KLF8: variants seen among roughly 807,000 people sequenced by gnomAD.
KLF8 encodes the protein KLF transcription factor 8.
KLF8 carries 10 observed loss-of-function variants against 18.2 expected under a neutral mutation model. The observed-to-expected ratio is 0.55, with a 90% CI of 0.34 to 0.93. The LOEUF (loss-of-function observed/expected upper bound fraction) is 0.93, where lower values mean the gene tolerates loss of function less well. Among genes scored for constraint, KLF8 ranks in the 40% least tolerant of loss-of-function variants. The pLI, the probability that KLF8 is intolerant of heterozygous loss-of-function variation, is 0.02. For synonymous variants in KLF8, 109 were observed against 97.3 expected (o/e 1.12, Z -0.71); for missense variants, 264 against 277.9 (o/e 0.95, Z 0.36).
chrX:56,172,322 G>A, the KLF8 span, among the ~76,000 whole-genome samples: 2 of 110,432 alleles, frequency 1.8e-5, no homozygotes, highest in African/African-American at 3.3e-5. Context: ...TGTTCTTATT[G>A]TTCAATTCCC....
the KLF8 span, among the ~76,000 whole-genome samples, chrX:56,168,932 A>C: frequency 8.9e-6 from 1 of 111,775 alleles, no homozygotes; most frequent in Non-Finnish European, 1.9e-5. Flanking sequence ...AGCAAGAATA[A>C]ACTGAAGACA....
At chrX:55,982,170 G>T in the KLF8 span, among the ~76,000 whole-genome samples, 1 of 111,546 alleles carries the variant, frequency 9.0e-6, no homozygotes, top group African/African-American at 3.3e-5. Context: ...CATTTTCCTG[G>T]TATTCTCCTC....
At chrX:55,932,006 C>G in the KLF8 span, among the ~76,000 whole-genome samples, 1 of 110,401 alleles carries the variant, frequency 9.1e-6, no homozygotes. Flanking sequence ...GAGTCTAAGT[C>G]TCTTTGTAAG....
At chrX:56,079,455 C>T in the KLF8 span, among the ~76,000 whole-genome samples, 141 of 111,391 alleles carry the variant, frequency 1.3e-3, no homozygotes, top group Middle Eastern at 4.7e-3. Context: ...AGTGGTTTTG[C>T]GTGAGATTCT....
chrX:56,273,104 A>G (rs974462413), intron 5 of KLF8, among the ~76,000 whole-genome samples: 4 of 111,755 alleles, frequency 3.6e-5, no homozygotes, highest in Admixed American at 2.9e-4. Context: ...AATAATACAT[A>G]TTTTAACCCA....
At chrX:56,060,548 C>T in the KLF8 span, among the ~76,000 whole-genome samples, 529 of 111,761 alleles carry the variant, frequency 4.7e-3, 3 homozygotes, top group Non-Finnish European at 4.6e-3. Flanking sequence ...ACTTGATCAT[C>T]GTGGATAAGC....
the KLF8 span, among the ~76,000 whole-genome samples, chrX:55,912,565 C>T: frequency 6.3e-5 from 7 of 111,569 alleles, no homozygotes; most frequent in African/African-American, 6.5e-5. Flanking sequence ...ACACTATTAT[C>T]ATTGCCATTT....
At chrX:55,935,937 C>A in the KLF8 span, among the ~76,000 whole-genome samples, 1 of 112,022 alleles carries the variant, frequency 8.9e-6, no homozygotes, top group African/African-American at 3.2e-5. Context: ...GGGTTATTCA[C>A]TGGCTTGAAG....
At position 56,285,511 on chromosome X, in the gene KLF8, A is replaced by G. The variant is rs1055976063; in HGVS notation, c.*1017A>G. ...ACAAAGAAGCAATTGAGTATATTGC[A>G]TGATGAGAAATCACACACTAGGGTC... On this transcript the variant is annotated 3_prime_UTR_variant, in exon 6 of 6. Transcript: ENST00000468660. 3.6e-5 allele frequency: 4 copies of G among 111,811 alleles called. No homozygotes were observed. Among genetic ancestry groups the G allele is most frequent in the Non-Finnish European group, 7.5e-5 (4 of 53,153 alleles). 9.2% of individuals were successfully genotyped at this position (111,811 alleles called of 1,213,427 possible).
At chrX:56,178,564 T>C in the KLF8 span, among the ~76,000 whole-genome samples, 5 of 112,604 alleles carry the variant, frequency 4.4e-5, no homozygotes, top group Middle Eastern at 0.018. Context: ...TGCCCATGCC[T>C]ATGCCCTGAA....
chrX:55,956,165 CTATCATCT>C, the KLF8 span, among the ~76,000 whole-genome samples: 36 of 95,730 alleles, frequency 3.8e-4, no homozygotes, highest in East Asian at 5.7e-4. Context: ...ATCTATCTAT[CTATCATCT>C]ATCTATCTAT....
At chrX:56,269,192 C>CA (rs377254816) in intron 3 of KLF8, 186 bp from the exon 4 acceptor site, 33,179 of 600,830 alleles carry the variant, frequency 0.055, 35 homozygotes, top group East Asian at 0.076. Context: ...CCCTGCTATG[C>CA]AAAAAAAAAA....
At chrX:56,095,771 G>A in the KLF8 span, among the ~76,000 whole-genome samples, 3 of 111,149 alleles carry the variant, frequency 2.7e-5, no homozygotes, top group East Asian at 5.6e-4. Context: ...ACACCAATCA[G>A]GATGGCTATC....
At chrX:56,187,048 A>G in the KLF8 span, among the ~76,000 whole-genome samples, 4 of 111,834 alleles carry the variant, frequency 3.6e-5, no homozygotes, top group African/African-American at 6.5e-5. Context: ...AAGGAAAGAG[A>G]GACAAAAAAC....
chrX:56,118,269 A>G, the KLF8 span, among the ~76,000 whole-genome samples: 2 of 111,609 alleles, frequency 1.8e-5, no homozygotes, highest in African/African-American at 6.5e-5. Flanking sequence ...GTGTATATAT[A>G]TAAAGCACTT....
At chrX:56,183,814 T>C in the KLF8 span, among the ~76,000 whole-genome samples, 1 of 111,827 alleles carries the variant, frequency 8.9e-6, no homozygotes, top group African/African-American at 3.3e-5. Flanking sequence ...ATAATATTTA[T>C]TGTAAGTGAA....
At position 56,270,440 on chromosome X, in the gene KLF8, G is replaced by A. The variant is rs774657991; in HGVS notation, c.898+119G>A. 176 of 830,122 alleles carry A rather than the reference G, an allele frequency of 2.1e-4. No individual in the cohort carries two copies. In the African/African-American group the frequency reaches 2.9e-3, roughly 14 times the overall value. 68.4% of individuals were successfully genotyped at this position (830,122 alleles called of 1,213,427 possible). On this transcript the variant is annotated intron_variant, in intron 5 of 5. Transcript: ENST00000468660. ...AGAGAGAGGGGCAGAGAGAGAGAGA[G>A]AAAATTTCTGAGAGACAGAGAATGA...
chrX:56,199,110 A>C, the KLF8 span, among the ~76,000 whole-genome samples: 1 of 112,349 alleles, frequency 8.9e-6, no homozygotes, highest in African/African-American at 3.2e-5. Flanking sequence ...AAAGACTTAA[A>C]TGTTAGACCT....
the KLF8 span, among the ~76,000 whole-genome samples, chrX:55,965,365 G>C: frequency 8.9e-6 from 1 of 111,866 alleles, no homozygotes; most frequent in Non-Finnish European, 1.9e-5. Flanking sequence ...CAACAGACTA[G>C]GCATGGAAGA....
Sources: gnomAD v4.1 joint callset for allele counts (sites outside exome capture counted in the v4.1 genomes callset) on GRCh38, gnomAD v4.1.1 for gene constraint, MANE v1.5 for transcripts, NCBI Gene and HGNC (gene_info 2026-07-23, HGNC 2026-07-21) for gene names.